The following ITFG1 variants were observed in gnomAD, a reference collection of about 807,000 sequenced individuals.
ITFG1 encodes integrin alpha FG-GAP repeat containing 1, also known as T-cell immunomodulatory protein.
A neutral mutation model predicts 81.8 loss-of-function variants in ITFG1; 34 were observed. The observed-to-expected ratio is 0.42, with a 90% CI of 0.32 to 0.55. The LOEUF is 0.55. Among genes scored for constraint, ITFG1 ranks in the 20% least tolerant of loss-of-function variants. ITFG1 has a pLI of 0.17. For missense variants in ITFG1, 672 were observed against 755.4 expected (o/e 0.89, Z 1.29); for synonymous variants, 285 against 270.6 (o/e 1.05, Z -0.52).
chr16:47,244,266 G>A (rs1362000034), intron 12 of ITFG1, among the ~76,000 whole-genome samples: 1 of 152,184 alleles, frequency 6.6e-6, no homozygotes, highest in South Asian at 2.1e-4. Flanking sequence ...TCAAACCCGA[G>A]GAGGGGGTCA....
intron 10 of ITFG1, among the ~76,000 whole-genome samples, chr16:47,292,019 CTT>C (rs926872674): frequency 2.1e-5 from 3 of 143,204 alleles, no homozygotes; most frequent in African/African-American, 2.5e-5. Context: ...TTTTTCCTTG[CTT>C]TTTTTTTTTT....
rs1328339300 is a variant in ITFG1, at chr16:47,325,493, T to C, written c.803-11670A>G. Among the ~76,000 whole-genome samples the C allele has an allele frequency of 5.9e-5, 9 of 151,536 alleles. No individual in the cohort carries two copies. The South Asian group carries it at 6.2e-4, about 11-fold the overall frequency. On this transcript the variant is annotated intron_variant, in intron 8 of 17. Transcript: ENST00000320640. ...AAGATCAGAGTAGAACTGAAGGAAA[T>C]AGAGACACAAAAAACCCTTCAAAAA...
chr16:47,201,743 G>A (rs1206880989), intron 14 of ITFG1, among the ~76,000 whole-genome samples: 1 of 152,148 alleles, frequency 6.6e-6, no homozygotes, highest in Non-Finnish European at 1.5e-5. Flanking sequence ...AATTAATCAT[G>A]TTATAATCTT....
chr16:47,323,245 A>G (rs773358393), intron 8 of ITFG1, among the ~76,000 whole-genome samples: 12 of 152,182 alleles, frequency 7.9e-5, no homozygotes, highest in Non-Finnish European at 1.6e-4. Flanking sequence ...TAATTAGTTG[A>G]TATGTTAATG....
intron 12 of ITFG1, among the ~76,000 whole-genome samples, chr16:47,257,965 A>G (rs1170333896): frequency 6.6e-6 from 1 of 152,248 alleles, no homozygotes; most frequent in Non-Finnish European, 1.5e-5. Flanking sequence ...TGACAAATGT[A>G]GAAGGTTGAT....
rs140742891 is a variant in ITFG1 at position 47,432,965 on chromosome 16, A to T, written c.561-4067T>A. On this transcript the variant is annotated intron_variant, in intron 5 of 17. Transcript: ENST00000320640. The stretch of plus-strand genomic sequence containing the variant: ...CTAATTTTGCCATCAAATTCATGTT[A>T]TAGGCCAAGAATGATTAAAAACACA... Among the ~76,000 whole-genome samples, 1,021 of 152,336 alleles carry T rather than the reference A, an allele frequency of 6.7e-3. 11 individuals are homozygous for T. Among genetic ancestry groups the T allele is most frequent in the Non-Finnish European group, 8.8e-3 (599 of 68,028 alleles).
intron 10 of ITFG1, among the ~76,000 whole-genome samples, chr16:47,268,668 G>T (rs867149013): frequency 6.6e-6 from 1 of 152,298 alleles, no homozygotes; most frequent in South Asian, 2.1e-4. Flanking sequence ...TCATTGAAAC[G>T]TGTGCATTTT....
At chr16:47,428,721 C>A in intron 6 of ITFG1, 83 bp downstream of exon 6, 1 of 817,020 alleles carries the variant, frequency 1.2e-6, no homozygotes, top group Non-Finnish European at 2.1e-6. Context: ...ACTTCATTAG[C>A]AATTAAATAC....
At chr16:47,265,645 C>A (rs1567440358) in intron 10 of ITFG1, among the ~76,000 whole-genome samples, 1 of 152,008 alleles carries the variant, frequency 6.6e-6, no homozygotes. Flanking sequence ...AATAAGATTT[C>A]TAATGAATAA....
chr16:47,175,076 A>C (rs898747054), intron 14 of ITFG1, among the ~76,000 whole-genome samples: 1 of 152,180 alleles, frequency 6.6e-6, no homozygotes, highest in Non-Finnish European at 1.5e-5. Context: ...CTGAAGCAAT[A>C]CTATACTGAC....
chr16:47,283,141 T>C (rs969013574), intron 10 of ITFG1, among the ~76,000 whole-genome samples: 3 of 152,142 alleles, frequency 2.0e-5, no homozygotes, highest in Non-Finnish European at 4.4e-5. Context: ...TGAGGACTTA[T>C]TCATAAAGTC....
At chr16:47,393,796 C>G (rs1040429953) in intron 6 of ITFG1, among the ~76,000 whole-genome samples, 3 of 151,848 alleles carry the variant, frequency 2.0e-5, no homozygotes, top group Non-Finnish European at 2.9e-5. Context: ...AATACAAGAC[C>G]ATGTAATTAT....
chr16:47,182,886 C>T (rs950457527), intron 14 of ITFG1, among the ~76,000 whole-genome samples: 3 of 152,166 alleles, frequency 2.0e-5, no homozygotes, highest in South Asian at 2.1e-4. Context: ...GAGTGCCAGA[C>T]GGTGGGTGCA....
intron 8 of ITFG1, among the ~76,000 whole-genome samples, chr16:47,347,058 T>A (rs538917318): frequency 2.0e-5 from 3 of 152,098 alleles, no homozygotes; most frequent in Non-Finnish European, 4.4e-5. Context: ...TTCACCACGA[T>A]TGGGGCGGTT....
At chr16:47,442,258 A>C (rs902745552) in intron 5 of ITFG1, among the ~76,000 whole-genome samples, 2 of 152,232 alleles carry the variant, frequency 1.3e-5, no homozygotes, top group Non-Finnish European at 2.9e-5. Context: ...ATACTGTCCA[A>C]TGTAATTTAT....
chr16:47,249,516 C>G (rs1333261418), intron 12 of ITFG1, among the ~76,000 whole-genome samples: 1 of 152,068 alleles, frequency 6.6e-6, no homozygotes, highest in Non-Finnish European at 1.5e-5. Flanking sequence ...ATTTCTAATA[C>G]TCCTAGGGAC....
intron 12 of ITFG1, among the ~76,000 whole-genome samples, chr16:47,245,417 C>T (rs941819676): frequency 5.3e-5 from 8 of 151,892 alleles, no homozygotes; most frequent in South Asian, 2.1e-4. Flanking sequence ...ACACTTATTA[C>T]TTCAACCCAT....
chr16:47,227,593 C>T (rs1046369675), intron 13 of ITFG1, among the ~76,000 whole-genome samples: 19 of 152,068 alleles, frequency 1.2e-4, no homozygotes, highest in African/African-American at 4.3e-4. Flanking sequence ...GTTGGAATAC[C>T]TCTGTTTTCT....
At chr16:47,438,622 G>T (rs1236329155) in intron 5 of ITFG1, among the ~76,000 whole-genome samples, 2 of 152,202 alleles carry the variant, frequency 1.3e-5, no homozygotes, top group Non-Finnish European at 2.9e-5. Context: ...GCAGATGAGG[G>T]TCCTGACTGT....
Sources: allele counts gnomAD v4.1 joint callset (sites outside exome capture counted in the v4.1 genomes callset), GRCh38; gene constraint gnomAD v4.1.1; transcripts MANE v1.5; gene names NCBI Gene and HGNC (gene_info 2026-07-23, HGNC 2026-07-21).